Variants in DLGAP1 observed in about 807,000 individuals in gnomAD.
DLGAP1 encodes the protein DLG associated protein 1.
In DLGAP1, 11 loss-of-function variants were observed where a neutral mutation model predicts 90.8. That is an observed-to-expected ratio of 0.12 (90% confidence interval 0.08 to 0.20). The LOEUF (loss-of-function observed/expected upper bound fraction) is 0.20, where lower values mean the gene tolerates loss of function less well. Ranked by LOEUF, DLGAP1 falls within the 10% of genes least tolerant of loss-of-function variation. The pLI is 1.00. For missense variants in DLGAP1, 1,050 were observed against 1,333.8 expected (o/e 0.79, Z 3.31); for synonymous variants, 558 against 540.7 (o/e 1.03, Z -0.44).
chr18:4,330,366 G>A (rs781526678), intron 1 of DLGAP1, among the ~76,000 whole-genome samples: 11 of 151,104 alleles, frequency 7.3e-5, no homozygotes, highest in Non-Finnish European at 5.9e-5. Flanking sequence ...ATTTAATTAC[G>A]TCCTTGACTT....
At chr18:4,331,959 G>T (rs1405830354) in intron 1 of DLGAP1, among the ~76,000 whole-genome samples, 1 of 151,756 alleles carries the variant, frequency 6.6e-6, no homozygotes, top group Non-Finnish European at 1.5e-5. Context: ...AAAGATATTT[G>T]GTCCTTGCTC....
At chr18:3,531,888 C>T (rs1377161751) in intron 10 of DLGAP1, among the ~76,000 whole-genome samples, 1 of 152,098 alleles carries the variant, frequency 6.6e-6, no homozygotes, top group Non-Finnish European at 1.5e-5. Flanking sequence ...CAGAGTTTCA[C>T]TCTGTTGCCT....
chr18:3,499,263 C>T lies in DLGAP1; in HGVS notation c.2856G>A (p.Ala952=). The change falls in exon 13 of 13, where the codon GCG becomes GCA. Residue 952 remains alanine (A), a synonymous_variant. Coordinates refer to ENST00000315677, the MANE Select transcript of DLGAP1 (RefSeq NM_004746.4). The surrounding 1 kb of genome is among the most constrained non-coding windows in gnomAD (Gnocchi z 6.4). ...CGGTGGCCGAGTTCTGGCGGACGGACGCGGCGCGCTTGGCGGCCATCAGGC... is the reference window on the plus strand; with the variant it reads ...CGGTGGCCGAGTTCTGGCGGACGGATGCGGCGCGCTTGGCGGCCATCAGGC... ...RKRLMAAKRA[A]SVRQNSATES... The T allele has an allele frequency of 1.9e-6, 3 of 1,601,898 alleles. No individual in the cohort carries two copies. The highest frequency in any genetic ancestry group is 2.6e-6 in the Non-Finnish European group (3 of 1,175,154).
At chr18:4,266,614 C>T (rs2079136717) in intron 1 of DLGAP1, among the ~76,000 whole-genome samples, 1 of 152,174 alleles carries the variant, frequency 6.6e-6, no homozygotes, top group Non-Finnish European at 1.5e-5. Flanking sequence ...TTCAATTGCT[C>T]TTTCATACTT....
At chr18:3,619,127 C>G (rs138643799) in intron 7 of DLGAP1, among the ~76,000 whole-genome samples, 11 of 152,260 alleles carry the variant, frequency 7.2e-5, no homozygotes, top group African/African-American at 2.4e-5. Flanking sequence ...ATACCTTGAT[C>G]TTGGTCTCCC....
chr18:3,713,535 T>C (rs2061663478), intron 7 of DLGAP1, among the ~76,000 whole-genome samples: 2 of 152,348 alleles, frequency 1.3e-5, no homozygotes, highest in South Asian at 4.1e-4. Context: ...TGCAAATTGC[T>C]GTTTGGGATC....
At chr18:3,759,270 A>AC (rs1381377771) in intron 5 of DLGAP1, among the ~76,000 whole-genome samples, 4 of 151,934 alleles carry the variant, frequency 2.6e-5, no homozygotes, top group Non-Finnish European at 4.4e-5. Flanking sequence ...AAAAAAAAAA[A>AC]AACAAAACCC....
At chr18:4,308,830 T>C (rs370756522) in intron 1 of DLGAP1, among the ~76,000 whole-genome samples, 8 of 152,174 alleles carry the variant, frequency 5.3e-5, no homozygotes, top group Admixed American at 3.3e-4. Flanking sequence ...CCAAATAAAA[T>C]GAACTTCATC....
At chr18:3,884,068 G>T (rs1171582166) in intron 3 of DLGAP1, among the ~76,000 whole-genome samples, 1 of 152,176 alleles carries the variant, frequency 6.6e-6, no homozygotes. Flanking sequence ...TAAAAAACGT[G>T]TCCACTGGTG....
chr18:3,574,195 AT>A (rs2054972718), intron 8 of DLGAP1, among the ~76,000 whole-genome samples: 1 of 152,180 alleles, frequency 6.6e-6, no homozygotes, highest in Non-Finnish European at 1.5e-5. Flanking sequence ...AGACTTGTCT[AT>A]TTATTTAGTA....
intron 3 of DLGAP1, among the ~76,000 whole-genome samples, chr18:3,981,445 T>A (rs1024522430): frequency 1.3e-5 from 2 of 152,168 alleles, no homozygotes; most frequent in Non-Finnish European, 2.9e-5. Context: ...GGGCCATACA[T>A]GTAGGAGGCA....
chr18:3,609,080 C>T (rs933211780), intron 7 of DLGAP1, among the ~76,000 whole-genome samples: 14 of 152,296 alleles, frequency 9.2e-5, no homozygotes, highest in African/African-American at 2.6e-4. Context: ...AAGTGAGCCT[C>T]GGCCTCCCAA....
chr18:3,853,792 G>C (rs1000253726), intron 4 of DLGAP1, among the ~76,000 whole-genome samples: 1 of 151,994 alleles, frequency 6.6e-6, no homozygotes, highest in African/African-American at 2.4e-5. Context: ...TAGGATTTGA[G>C]ATTTTCAAAT....
intron 10 of DLGAP1, among the ~76,000 whole-genome samples, chr18:3,524,316 A>G (rs2051461649): frequency 6.6e-6 from 1 of 151,992 alleles, no homozygotes; most frequent in Non-Finnish European, 1.5e-5. Context: ...GTATATATAT[A>G]CCACATATAT....
At chr18:4,362,380 T>C (rs2081648808) in intron 1 of DLGAP1, among the ~76,000 whole-genome samples, 1 of 152,116 alleles carries the variant, frequency 6.6e-6, no homozygotes, top group Admixed American at 6.6e-5. Context: ...GGGATAGACA[T>C]ATGATGGAAT....
chr18:4,263,084 C>T (rs1262609503), intron 1 of DLGAP1, among the ~76,000 whole-genome samples: 1 of 152,072 alleles, frequency 6.6e-6, no homozygotes, highest in Non-Finnish European at 1.5e-5. Context: ...CAGGCACGTG[C>T]CACCACGTCC....
chr18:3,955,322 G>A (rs1287390161), intron 3 of DLGAP1, among the ~76,000 whole-genome samples: 1 of 152,176 alleles, frequency 6.6e-6, no homozygotes, highest in Non-Finnish European at 1.5e-5. Flanking sequence ...GGACTTAACT[G>A]TATCAGAACA....
intron 4 of DLGAP1, among the ~76,000 whole-genome samples, chr18:3,860,122 T>C (rs1362983532): frequency 9.1e-6 from 1 of 110,494 alleles, no homozygotes; most frequent in Non-Finnish European, 1.9e-5. Context: ...ATAAATAAAT[T>C]TGCATTGTAT....
chr18:4,388,776 C>A (rs538418595), intron 1 of DLGAP1, among the ~76,000 whole-genome samples: 4 of 152,052 alleles, frequency 2.6e-5, no homozygotes, highest in Admixed American at 2.6e-4. Context: ...ATCTCATATA[C>A]GTATCAGGAA....
Sources: allele counts gnomAD v4.1 joint callset (sites outside exome capture counted in the v4.1 genomes callset), GRCh38; gene constraint gnomAD v4.1.1; non-coding constraint Gnocchi (gnomAD v3.1); transcripts MANE v1.5; gene names NCBI Gene and HGNC (gene_info 2026-07-23, HGNC 2026-07-21).